Variants in ZNF804B observed in about 807,000 individuals in gnomAD.
ZNF804B encodes the protein zinc finger 804B.
ZNF804B carries 80 observed loss-of-function variants against 101.4 expected under a neutral mutation model. The observed-to-expected ratio is 0.79, with a 90% CI of 0.66 to 0.95. ZNF804B has a LOEUF of 0.95. ZNF804B is among the 40% of genes least tolerant of loss of function. The pLI, the probability that ZNF804B is intolerant of heterozygous loss-of-function variation, is 0.00. For missense variants in ZNF804B, 1,673 were observed against 1,561.9 expected (o/e 1.07, Z -1.20); for synonymous variants, 622 against 558.8 (o/e 1.11, Z -1.59).
chr7:88,842,499 T>A (rs562929761), intron 1 of ZNF804B, among the ~76,000 whole-genome samples: 16 of 152,276 alleles, frequency 1.1e-4, no homozygotes, highest in South Asian at 1.0e-3. Flanking sequence ...ATGAAGAGTG[T>A]AAATGGAAAC....
At chr7:89,016,762 C>A (rs1279242358) in intron 1 of ZNF804B, among the ~76,000 whole-genome samples, 1 of 152,108 alleles carries the variant, frequency 6.6e-6, no homozygotes, top group Non-Finnish European at 1.5e-5. Flanking sequence ...AGTTTGAAGT[C>A]AGGTAGTGTG....
intron 1 of ZNF804B, among the ~76,000 whole-genome samples, chr7:89,072,160 A>G (rs1289372680): frequency 6.6e-6 from 1 of 152,172 alleles, no homozygotes; most frequent in Non-Finnish European, 1.5e-5. Context: ...TCAATCTCCA[A>G]TAGGGAGAAT....
chr7:89,287,226 T>A (rs1790214455), intron 2 of ZNF804B, among the ~76,000 whole-genome samples: 1 of 152,176 alleles, frequency 6.6e-6, no homozygotes, highest in Non-Finnish European at 1.5e-5. Flanking sequence ...GTAGTTATGT[T>A]TTTGGGGAAT....
At chr7:88,764,362 T>C (rs1312336198) in intron 1 of ZNF804B, among the ~76,000 whole-genome samples, 4 of 152,202 alleles carry the variant, frequency 2.6e-5, no homozygotes, top group African/African-American at 7.2e-5. Flanking sequence ...TTTCTGGGAA[T>C]GCCTATTGTC....
intron 2 of ZNF804B, among the ~76,000 whole-genome samples, chr7:89,273,746 T>C (rs1350928076): frequency 6.6e-6 from 1 of 152,180 alleles, no homozygotes; most frequent in African/African-American, 2.4e-5. Flanking sequence ...GCAGATCTCC[T>C]GAGTGGTAGA....
At chr7:88,974,327 G>GTTGACAATATATTGTAT (rs1336255668) in intron 1 of ZNF804B, among the ~76,000 whole-genome samples, 2 of 151,240 alleles carry the variant, frequency 1.3e-5, no homozygotes, top group African/African-American at 4.8e-5. Flanking sequence ...GTTGACTACA[G>GTTGACAATATATTGTAT]TTGACAATAT....
At position 88,776,566 on chromosome 7, in the gene ZNF804B, T is replaced by TTG. The variant is rs1554334512; in HGVS notation, c.108+16483_108+16484insGT. 4.2e-4 allele frequency among the ~76,000 whole-genome samples: 60 copies of TTG among 142,396 alleles called. No homozygotes were observed. In the South Asian group the frequency reaches 6.2e-3, roughly 15 times the overall value. 93.4% of individuals were successfully genotyped at this position (142,396 alleles called of 152,430 possible). On this transcript the variant is annotated intron_variant, in intron 1 of 3. Transcript: ENST00000333190. The stretch of plus-strand genomic sequence containing the variant: ...CTATTTCTCGTGGTGTTTTGTTTTT[T>TTG]TTTTTTTTTTTTTTTCAGAGCAAAT...
chr7:89,321,864 TA>T (rs1790826368), intron 2 of ZNF804B, among the ~76,000 whole-genome samples: 2 of 152,246 alleles, frequency 1.3e-5, no homozygotes, highest in South Asian at 4.1e-4. Context: ...AAAAATGATA[TA>T]CCATACCAAC....
At chr7:88,886,235 C>T (rs1792123835) in intron 1 of ZNF804B, among the ~76,000 whole-genome samples, 2 of 152,036 alleles carry the variant, frequency 1.3e-5, no homozygotes, top group African/African-American at 2.4e-5. Context: ...GGATGATACT[C>T]TTCCTATACA....
At chr7:88,955,909 T>A (rs929171929) in intron 1 of ZNF804B, among the ~76,000 whole-genome samples, 2 of 151,430 alleles carry the variant, frequency 1.3e-5, no homozygotes, top group African/African-American at 4.8e-5. Flanking sequence ...AAAAAATTAA[T>A]TTAAAAGTAG....
intron 2 of ZNF804B, among the ~76,000 whole-genome samples, chr7:89,275,111 T>C (rs762642375): frequency 2.0e-5 from 3 of 152,000 alleles, no homozygotes; most frequent in Non-Finnish European, 4.4e-5. Flanking sequence ...TTACTCTTGA[T>C]CTTTCTTCTC....
intron 1 of ZNF804B, among the ~76,000 whole-genome samples, chr7:88,863,492 A>T (rs988468900): frequency 6.6e-6 from 1 of 152,228 alleles, no homozygotes; most frequent in African/African-American, 2.4e-5. Context: ...TGTTACATGT[A>T]ACTGGAGTTA....
intron 1 of ZNF804B, among the ~76,000 whole-genome samples, chr7:89,115,552 C>T (rs1308428860): frequency 6.6e-6 from 1 of 152,090 alleles, no homozygotes; most frequent in Non-Finnish European, 1.5e-5. Context: ...TTTTTAGGCA[C>T]ATACATTTAG....
chr7:89,304,431 G>T (rs1250012002), intron 2 of ZNF804B, among the ~76,000 whole-genome samples: 1 of 151,770 alleles, frequency 6.6e-6, no homozygotes, highest in South Asian at 2.1e-4. Context: ...AGCCTTCCTT[G>T]CTTGTTTAAC....
chr7:89,219,042 A>G (rs559309028), intron 2 of ZNF804B, among the ~76,000 whole-genome samples: 1 of 152,206 alleles, frequency 6.6e-6, no homozygotes, highest in South Asian at 2.1e-4. Flanking sequence ...ATTCAAAGTT[A>G]CTTAACTAGT....
At chr7:88,861,535 A>G (rs910888856) in intron 1 of ZNF804B, among the ~76,000 whole-genome samples, 7 of 152,224 alleles carry the variant, frequency 4.6e-5, no homozygotes, top group African/African-American at 1.7e-4. Context: ...CTCAGCAGAA[A>G]TGGGAAACTA....
chr7:89,309,759 CAAAAAAAAAAAAAAAAAAAAAA>C (rs397791531), intron 2 of ZNF804B, among the ~76,000 whole-genome samples: 33 of 70,774 alleles, frequency 4.7e-4, no homozygotes, highest in Admixed American at 6.4e-4. Flanking sequence ...GACCCTGTCT[CAAAAAAAAAAAAAAAAAAAAAA>C]AAAAAAAAAA....
At chr7:88,852,866 C>T (rs1377760561) in intron 1 of ZNF804B, among the ~76,000 whole-genome samples, 2 of 152,048 alleles carry the variant, frequency 1.3e-5, no homozygotes, top group Non-Finnish European at 2.9e-5. Flanking sequence ...CAATACCAAA[C>T]TGCCTCTTCT....
chr7:89,334,355 C>G lies in ZNF804B; in HGVS notation c.1373C>G (p.Pro458Arg). ...GATGGCCACACCACTCTTCAATGGC[C>G]TACGGAACTTCTGCTCTTTACAAAA... ...SKDGHTTLQW[P>R]TELLLFTKTE... is the part of the protein sequence containing the mutation. The change falls in exon 4 of 4, where the codon CCT becomes CGT. Residue 458 changes from proline to arginine, a missense_variant. Physicochemically the swap from Pro to Arg is moderately radical, Grantham distance 103. Coordinates refer to ENST00000333190, the MANE Select transcript of ZNF804B (RefSeq NM_181646.5). The G allele has an allele frequency of 6.2e-7, 1 of 1,613,818 alleles. No homozygotes were observed. Among genetic ancestry groups the G allele is most frequent in the Non-Finnish European group, 8.5e-7 (1 of 1,179,850 alleles).
Sources: allele counts gnomAD v4.1 joint callset (sites outside exome capture counted in the v4.1 genomes callset), GRCh38; gene constraint gnomAD v4.1.1; transcripts MANE v1.5; gene names NCBI Gene and HGNC (gene_info 2026-07-23, HGNC 2026-07-21).